DLC1: variants seen among roughly 807,000 people sequenced by gnomAD.
DLC1 encodes the protein DLC1 Rho GTPase activating protein.
A neutral mutation model predicts 140.3 loss-of-function variants in DLC1; 54 were observed. The ratio of observed to expected loss-of-function variants is 0.38; its 90% CI spans 0.31 to 0.48. DLC1 has a LOEUF of 0.48. Among genes scored for constraint, DLC1 ranks in the 20% least tolerant of loss-of-function variants. DLC1 has a pLI of 0.96. For missense variants in DLC1, 2,536 were observed against 1,907.0 expected (o/e 1.33, Z -6.14); for synonymous variants, 986 against 728.1 (o/e 1.35, Z -5.70).
At chr8:13,593,423 G>A (rs1023706286) in intron 1 of DLC1, among the ~76,000 whole-genome samples, 4 of 152,056 alleles carry the variant, frequency 2.6e-5, no homozygotes, top group East Asian at 1.9e-4. Flanking sequence ...TGCACTGATC[G>A]GTGAAATGTT....
At chr8:13,377,645 C>T (rs1836062071) in intron 4 of DLC1, among the ~76,000 whole-genome samples, 1 of 152,102 alleles carries the variant, frequency 6.6e-6, no homozygotes, top group East Asian at 1.9e-4. Context: ...TACACATTTT[C>T]ATAACGTTAC....
chr8:13,603,143 A>G (rs1266906604), intron 1 of DLC1, among the ~76,000 whole-genome samples: 1 of 151,878 alleles, frequency 6.6e-6, no homozygotes, highest in Non-Finnish European at 1.5e-5. Flanking sequence ...AAAATAAAAG[A>G]ACTCTTAAGT....
At position 13,510,899 on chromosome 8, in the gene DLC1, C is replaced by A. The variant is rs760483054; in HGVS notation, c.-126+3703G>T. 3.3e-5 allele frequency among the ~76,000 whole-genome samples: 5 copies of A among 152,198 alleles called. No homozygotes were observed. The East Asian group carries it at 9.7e-4, about 29-fold the overall frequency. On this transcript the variant is annotated intron_variant, in intron 1 of 17. Coordinates refer to ENST00000276297, the MANE Select transcript of DLC1 (RefSeq NM_182643.3). ...TCCTTCCCCTTTAGAAATTATTATT[C>A]TATTATTACAGGATGTCTGGAAAAT...
intron 1 of DLC1, among the ~76,000 whole-genome samples, chr8:13,533,310 C>T (rs1343205122): frequency 2.0e-5 from 3 of 151,590 alleles, no homozygotes; most frequent in African/African-American, 7.3e-5. Flanking sequence ...GACAATACTC[C>T]AAAAATGGAA....
chr8:13,367,876 G>C (rs1563289579), intron 4 of DLC1, among the ~76,000 whole-genome samples: 1 of 152,156 alleles, frequency 6.6e-6, no homozygotes. Context: ...AGTAAGATTA[G>C]GACAAGAGCC....
At chr8:13,351,564 A>T (rs1040420481) in intron 4 of DLC1, among the ~76,000 whole-genome samples, 6 of 152,242 alleles carry the variant, frequency 3.9e-5, no homozygotes, top group Admixed American at 1.3e-4. Flanking sequence ...AGAAAATAGA[A>T]ATCATAGTGT....
intron 2 of DLC1, among the ~76,000 whole-genome samples, chr8:13,415,919 C>T (rs1424037559): frequency 6.6e-6 from 1 of 152,102 alleles, no homozygotes; most frequent in Non-Finnish European, 1.5e-5. Flanking sequence ...TCTTGTATGT[C>T]TTCTCGAAAT....
intron 1 of DLC1, among the ~76,000 whole-genome samples, chr8:13,563,626 C>T (rs886898916): frequency 6.6e-5 from 10 of 152,044 alleles, no homozygotes; most frequent in African/African-American, 1.9e-4. Flanking sequence ...TTTGAAGGAT[C>T]TGTCAATTTA....
intron 2 of DLC1, among the ~76,000 whole-genome samples, chr8:13,404,497 G>A (rs1837437799): frequency 1.3e-5 from 2 of 152,028 alleles, no homozygotes; most frequent in Admixed American, 1.3e-4. Flanking sequence ...AACATTGATA[G>A]TTACATATAT....
rs1477456191 is a variant in DLC1 at position 13,086,453 on chromosome 8, T to C, written c.4303A>G (p.Thr1435Ala). The C allele has an allele frequency of 6.2e-7, 1 of 1,613,348 alleles. No homozygotes were observed. Among genetic ancestry groups the C allele is most frequent in the Admixed American group, 1.7e-5 (1 of 59,710 alleles). ...GCACAGGCTCCTTTGGGTAAATTAG[T>C]CCTCCAGGTTCTGTAGAGACAAAAC... ...RDYVVLRTWR[T>A]NLPKGACALL... Residue 1435 changes from threonine to alanine, a missense_variant, in exon 17 of 18, where the codon ACT becomes GCT. Thr to Ala is a moderately conservative substitution (Grantham distance 58). Coordinates refer to ENST00000276297, the MANE Select transcript of DLC1 (RefSeq NM_182643.3).
rs1829571701 is a variant in DLC1 at position 13,242,215 on chromosome 8, G to A, written c.1348+63054C>T. ...TTCCTCTGCCAATTTCTCTAGGGAA[G>A]GCATCTTTCCTAGAGCATCAATACT... On this transcript the variant is annotated intron_variant, in intron 5 of 17. Transcript: ENST00000276297. Among the ~76,000 whole-genome samples, 3 of 151,990 alleles carry A rather than the reference G, an allele frequency of 2.0e-5. No individual in the cohort carries two copies. The South Asian group carries it at 6.2e-4, about 32-fold the overall frequency.
chr8:13,087,267 T>C (rs146994790), intron 16 of DLC1, among the ~76,000 whole-genome samples: 3 of 152,312 alleles, frequency 2.0e-5, no homozygotes, highest in East Asian at 1.9e-4. Flanking sequence ...CCAGGTGTGA[T>C]GGCACATGCC....
At chr8:13,466,261 G>C (rs991863843) in intron 2 of DLC1, among the ~76,000 whole-genome samples, 2 of 152,186 alleles carry the variant, frequency 1.3e-5, no homozygotes, top group Admixed American at 1.3e-4. Flanking sequence ...TGCTCGCTGA[G>C]CCTGCGTGTT....
At chr8:13,150,419 G>C (rs78599126) in intron 5 of DLC1, among the ~76,000 whole-genome samples, 1 of 150,346 alleles carries the variant, frequency 6.7e-6, no homozygotes, top group South Asian at 2.1e-4. Context: ...TTTCTTTGTC[G>C]CCAATACTGT....
At chr8:13,458,626 A>G (rs1799522450) in intron 2 of DLC1, among the ~76,000 whole-genome samples, 1 of 152,232 alleles carries the variant, frequency 6.6e-6, no homozygotes, top group Non-Finnish European at 1.5e-5. Flanking sequence ...TCACTACTAC[A>G]ATTATGAAAT....
chr8:13,158,058 C>T (rs771002785), intron 5 of DLC1, among the ~76,000 whole-genome samples: 2 of 152,124 alleles, frequency 1.3e-5, no homozygotes, highest in Admixed American at 6.5e-5. Context: ...AGTTTTAAAG[C>T]CTTCAGATAT....
chr8:13,334,442 A>G (rs540831017), intron 4 of DLC1, among the ~76,000 whole-genome samples: 2 of 152,288 alleles, frequency 1.3e-5, no homozygotes, highest in South Asian at 2.1e-4. Flanking sequence ...CAAGAAGAGT[A>G]TCATAAGTGG....
chr8:13,093,467 T>C (rs1167227538), intron 12 of DLC1, among the ~76,000 whole-genome samples: 1 of 152,200 alleles, frequency 6.6e-6, no homozygotes, highest in Admixed American at 6.5e-5. Flanking sequence ...CTCGAGAGGC[T>C]ATAAAAATGC....
intron 1 of DLC1, among the ~76,000 whole-genome samples, chr8:13,599,614 T>C (rs1805803713): frequency 6.6e-6 from 1 of 151,988 alleles, no homozygotes; most frequent in African/African-American, 2.4e-5. Context: ...AGAAGTCATT[T>C]ATGAAGAAAA....
Sources: gnomAD v4.1 joint callset for allele counts (sites outside exome capture counted in the v4.1 genomes callset) on GRCh38, gnomAD v4.1.1 for gene constraint, MANE v1.5 for transcripts, NCBI Gene and HGNC (gene_info 2026-07-23, HGNC 2026-07-21) for gene names.